TENM3: variants seen among roughly 807,000 people sequenced by gnomAD.
TENM3 encodes the protein teneurin transmembrane protein 3.
Under a neutral mutation model 255.1 loss-of-function variants are expected in TENM3, and 63 were observed. That is an observed-to-expected ratio of 0.25 (90% CI 0.20 to 0.30). The LOEUF is 0.30. Ranked by LOEUF, TENM3 falls within the 10% of genes least tolerant of loss-of-function variation. The pLI is 1.00. For synonymous variants in TENM3, 1,306 were observed against 1,322.3 expected (o/e 0.99, Z 0.27); for missense variants, 2,929 against 3,461.1 (o/e 0.85, Z 3.86).
intron 3 of TENM3, among the ~76,000 whole-genome samples, chr4:182,416,154 G>A (rs750355683): frequency 1.3e-5 from 2 of 152,136 alleles, no homozygotes; most frequent in Non-Finnish European, 2.9e-5. Context: ...CACCAAGATA[G>A]AAGTTGCTTT....
chr4:182,515,175 G>A (rs566042030), intron 3 of TENM3, among the ~76,000 whole-genome samples: 3 of 152,204 alleles, frequency 2.0e-5, no homozygotes, highest in Non-Finnish European at 4.4e-5. Flanking sequence ...TGAATCGGAA[G>A]TGAGGAAAGT....
At chr4:181,624,355 A>G in the TENM3 span, among the ~76,000 whole-genome samples, 25 of 152,352 alleles carry the variant, frequency 1.6e-4, no homozygotes, top group Admixed American at 1.2e-3. Flanking sequence ...CTCAAATTTC[A>G]ATGGCCGAAG....
the TENM3 span, among the ~76,000 whole-genome samples, chr4:181,967,293 C>T: frequency 6.6e-6 from 1 of 152,112 alleles, no homozygotes; most frequent in African/African-American, 2.4e-5. Context: ...GGTGATCCTA[C>T]CCAGTTCTGT....
At position 182,323,942 on chromosome 4, in the gene TENM3, A is replaced by T; in HGVS notation, c.-75-4A>T. ...GACCTCATGCAAACCTTGTATCTTCACAGAGAGGCCAATGAGACTTGAACC... is the reference window on the plus strand; with the variant it reads ...GACCTCATGCAAACCTTGTATCTTCTCAGAGAGGCCAATGAGACTTGAACC... On this transcript the variant is annotated splice_polypyrimidine_tract_variant and splice_region_variant and intron_variant, in intron 1 of 27. Transcript: ENST00000511685. 1 of 1,262,584 alleles carries T rather than the reference A, an allele frequency of 7.9e-7. No homozygotes were observed. Among genetic ancestry groups the T allele is most frequent in the Non-Finnish European group, 1.1e-6 (1 of 890,296 alleles). 78.2% of individuals were successfully genotyped at this position (1,262,584 alleles called of 1,614,324 possible). A position where few individuals can be genotyped will look rare whatever the true frequency, so the allele number is the denominator to read the frequency against.
intron 3 of TENM3, among the ~76,000 whole-genome samples, chr4:182,437,939 G>A (rs963081153): frequency 6.6e-6 from 1 of 152,052 alleles, no homozygotes. Flanking sequence ...GCAACAGAGC[G>A]AGATCCTGTC....
At chr4:181,879,690 A>G in the TENM3 span, among the ~76,000 whole-genome samples, 1 of 152,160 alleles carries the variant, frequency 6.6e-6, no homozygotes, top group Admixed American at 6.6e-5. Flanking sequence ...GTATCCCTCT[A>G]ACTCATGGAA....
At chr4:181,672,776 T>C in the TENM3 span, among the ~76,000 whole-genome samples, 1 of 152,232 alleles carries the variant, frequency 6.6e-6, no homozygotes, top group African/African-American at 2.4e-5. Context: ...TTGCATATAG[T>C]ATAATCAATC....
At chr4:182,051,827 G>T in the TENM3 span, among the ~76,000 whole-genome samples, 8 of 152,124 alleles carry the variant, frequency 5.3e-5, no homozygotes, top group African/African-American at 1.9e-4. Context: ...TTAATACTTT[G>T]AGTACTTAAG....
chr4:182,331,312 G>A (rs964163632), intron 2 of TENM3, among the ~76,000 whole-genome samples: 9 of 152,080 alleles, frequency 5.9e-5, no homozygotes, highest in East Asian at 3.9e-4. Context: ...TTGGGAGGCC[G>A]AGGTGGATGG....
At chr4:182,295,394 A>G (rs992000266) in intron 1 of TENM3, among the ~76,000 whole-genome samples, 1 of 150,360 alleles carries the variant, frequency 6.7e-6, no homozygotes, top group Non-Finnish European at 1.5e-5. Context: ...CAGCCTCCCA[A>G]GTGGCTAGGA....
the TENM3 span, among the ~76,000 whole-genome samples, chr4:181,592,254 C>G: frequency 2.8e-4 from 17 of 59,772 alleles, 1 homozygote; most frequent in South Asian, 1.1e-3. Context: ...TGTTTAAACA[C>G]AAACACACAC....
chr4:181,786,221 G>A, the TENM3 span, among the ~76,000 whole-genome samples: 936 of 152,270 alleles, frequency 6.1e-3, 9 homozygotes, highest in African/African-American at 0.021. Flanking sequence ...TCTTTGTACC[G>A]TTATGTGGTA....
chr4:181,448,619 A>G, the TENM3 span, among the ~76,000 whole-genome samples: 10 of 152,208 alleles, frequency 6.6e-5, no homozygotes, highest in Admixed American at 5.2e-4. Flanking sequence ...AATCTGTTGT[A>G]TATTAGTGAG....
chr4:181,693,662 A>C, the TENM3 span, among the ~76,000 whole-genome samples: 1 of 152,078 alleles, frequency 6.6e-6, no homozygotes, highest in Non-Finnish European at 1.5e-5. Flanking sequence ...CTGCAGTGGG[A>C]GTCTGAGCCG....
chr4:182,406,889 T>A (rs1769618635), intron 3 of TENM3, among the ~76,000 whole-genome samples: 1 of 152,172 alleles, frequency 6.6e-6, no homozygotes, highest in African/African-American at 2.4e-5. Context: ...GTCCTGTTCA[T>A]AAGAAGCAGA....
chr4:182,755,655 G>A lies in TENM3; in HGVS notation c.4892+396G>A, dbSNP rs567555070. On this transcript the variant is annotated intron_variant, in intron 22 of 27. Transcript: ENST00000511685. ...AGATCGAGACCATCCTGGATAACACGGTGAAACCCCCGTCTCTACTAAAAA... is the reference window on the plus strand; with the variant it reads ...AGATCGAGACCATCCTGGATAACACAGTGAAACCCCCGTCTCTACTAAAAA... 3.9e-5 allele frequency among the ~76,000 whole-genome samples: 6 copies of A among 152,192 alleles called. No individual in the cohort carries two copies. In the East Asian group the frequency reaches 7.7e-4, roughly 20 times the overall value.
chr4:182,301,258 C>T (rs1325096921), intron 1 of TENM3, among the ~76,000 whole-genome samples: 1 of 152,184 alleles, frequency 6.6e-6, no homozygotes, highest in African/African-American at 2.4e-5. Context: ...CTACGTGCCC[C>T]TGAAATTTTT....
At chr4:182,605,501 A>AG (rs1748328216) in intron 4 of TENM3, among the ~76,000 whole-genome samples, 2 of 150,782 alleles carry the variant, frequency 1.3e-5, no homozygotes, top group Admixed American at 6.6e-5. Flanking sequence ...AAAAAAAAAA[A>AG]GGGAAAGTCA....
chr4:182,288,202 C>G (rs998206045), intron 1 of TENM3, among the ~76,000 whole-genome samples: 1 of 152,138 alleles, frequency 6.6e-6, no homozygotes, highest in African/African-American at 2.4e-5. Flanking sequence ...TCCCAAAGTA[C>G]TGGGATTACA....
Sources: allele counts gnomAD v4.1 joint callset (sites outside exome capture counted in the v4.1 genomes callset), GRCh38; gene constraint gnomAD v4.1.1; transcripts MANE v1.5; gene names NCBI Gene and HGNC (gene_info 2026-07-23, HGNC 2026-07-21).